PDE10A: variants seen among roughly 807,000 people sequenced by gnomAD.
PDE10A encodes cAMP and cAMP-inhibited cGMP 3',5'-cyclic phosphodiesterase 10A.
Under a neutral mutation model 97.7 loss-of-function variants are expected in PDE10A, and 39 were observed. The observed-to-expected ratio is 0.40, with a 90% CI of 0.31 to 0.52. The LOEUF (loss-of-function observed/expected upper bound fraction) is 0.52. Among genes scored for constraint, PDE10A ranks in the 20% least tolerant of loss-of-function variants. The probability of loss-of-function intolerance (pLI) is 0.56; values close to 1 mark genes in which losing one functional copy is unlikely to be tolerated. For synonymous variants in PDE10A, 371 were observed against 376.8 expected (o/e 0.98, Z 0.18); for missense variants, 731 against 1,047.8 (o/e 0.70, Z 4.17).
intron 1 of PDE10A, among the ~76,000 whole-genome samples, chr6:165,806,509 TTC>T (rs1364163994): frequency 2.6e-5 from 4 of 152,210 alleles, no homozygotes; most frequent in Non-Finnish European, 5.9e-5. Context: ...TCTCCACAGT[TTC>T]TGAGCCTCTG....
intron 1 of PDE10A, among the ~76,000 whole-genome samples, chr6:165,621,312 C>T (rs1788120989): frequency 6.7e-6 from 1 of 149,200 alleles, no homozygotes; most frequent in Non-Finnish European, 1.5e-5. Flanking sequence ...AAAAAAAAAA[C>T]TAAGCTTCGT....
At chr6:165,839,869 C>T (rs1380751489) in intron 1 of PDE10A, among the ~76,000 whole-genome samples, 12 of 4,178 alleles carry the variant, frequency 2.9e-3, no homozygotes, top group East Asian at 5.6e-3. Flanking sequence ...GTCTCCATTC[C>T]CATCTGCACC....
chr6:165,949,350 G>C (rs954218023), intron 1 of PDE10A: 2 of 152,268 alleles, frequency 1.3e-5, no homozygotes, highest in Non-Finnish European at 1.5e-5. Context: ...GCTGGAGGAG[G>C]TGCCCATGGC....
intron 1 of PDE10A, among the ~76,000 whole-genome samples, chr6:165,807,798 C>G (rs1264203912): frequency 6.6e-6 from 1 of 152,084 alleles, no homozygotes; most frequent in African/African-American, 2.4e-5. Context: ...AAGTCAGCAA[C>G]GATAACTTTT....
intron 2 of PDE10A, among the ~76,000 whole-genome samples, chr6:165,486,147 C>T (rs747433638): frequency 1.3e-5 from 2 of 152,116 alleles, no homozygotes; most frequent in Non-Finnish European, 2.9e-5. Flanking sequence ...TCCAGGTTGA[C>T]GAGTCTATCA....
rs1791993799 is a variant in PDE10A, at chr6:165,715,099, A to G, written c.-614-171531T>C. ...CAGCCTGCAGGGACGGCCGCCCGAGAACCCCCGAGGGACGCTGCAGTGCAG... is the reference window on the plus strand; with the variant it reads ...CAGCCTGCAGGGACGGCCGCCCGAGGACCCCCGAGGGACGCTGCAGTGCAG... On this transcript the variant is annotated intron_variant, in intron 1 of 19. Transcript: ENST00000366882. Among the ~76,000 whole-genome samples the G allele has an allele frequency of 7.2e-5, 11 of 152,340 alleles. No homozygotes were observed. The South Asian group carries it at 2.3e-3, about 32-fold the overall frequency.
chr6:165,556,397 GGCTTCTGCCTT>G (rs1230187835), intron 1 of PDE10A, among the ~76,000 whole-genome samples: 2 of 152,200 alleles, frequency 1.3e-5, no homozygotes, highest in Admixed American at 6.5e-5. Context: ...GGAAGTCCAA[GGCTTCTGCCTT>G]GAAGACAGCT....
intron 1 of PDE10A, among the ~76,000 whole-genome samples, chr6:165,607,151 G>A (rs1787248603): frequency 6.6e-6 from 1 of 152,098 alleles, no homozygotes; most frequent in Non-Finnish European, 1.5e-5. Context: ...CTGACTGCAG[G>A]ACCTGATGGT....
intron 1 of PDE10A, among the ~76,000 whole-genome samples, chr6:165,790,181 G>A (rs1327422395): frequency 2.0e-5 from 3 of 152,148 alleles, no homozygotes; most frequent in Non-Finnish European, 4.4e-5. Flanking sequence ...GGCTAAACAT[G>A]TCTTTCTTTA....
chr6:165,678,906 T>C (rs765211998), intron 1 of PDE10A, among the ~76,000 whole-genome samples: 73 of 152,240 alleles, frequency 4.8e-4, no homozygotes, highest in Non-Finnish European at 9.4e-4. Context: ...GGAAAGAGAC[T>C]AGAAACAGGC....
intron 1 of PDE10A, among the ~76,000 whole-genome samples, chr6:165,866,704 G>A: frequency 6.9e-6 from 1 of 145,192 alleles, no homozygotes. Context: ...TTTCATAAGA[G>A]AATATAAGAG....
chr6:165,412,405 G>C (rs927561483), intron 13 of PDE10A, among the ~76,000 whole-genome samples: 1 of 152,086 alleles, frequency 6.6e-6, no homozygotes, highest in East Asian at 1.9e-4. Flanking sequence ...GAATAAACTA[G>C]AAATTACAAT....
intron 2 of PDE10A, among the ~76,000 whole-genome samples, chr6:165,502,760 A>G (rs1780963263): frequency 6.6e-6 from 1 of 152,194 alleles, no homozygotes; most frequent in Non-Finnish European, 1.5e-5. Context: ...ATGACTTCAC[A>G]CTACATGAGT....
chr6:165,448,407 G>A (rs1244628659), intron 5 of PDE10A, among the ~76,000 whole-genome samples: 3 of 152,156 alleles, frequency 2.0e-5, no homozygotes, highest in Non-Finnish European at 2.9e-5. Flanking sequence ...GCAGAAGACT[G>A]GAACAGCCAC....
chr6:165,974,964 C>T (rs1004277371), intron 1 of PDE10A, among the ~76,000 whole-genome samples: 1 of 152,134 alleles, frequency 6.6e-6, no homozygotes, highest in Non-Finnish European at 1.5e-5. Flanking sequence ...CTGGGTTAAC[C>T]GGGACAAGGT....
At chr6:165,908,790 GGTGT>G (rs1298745532) in intron 1 of PDE10A, 5 of 152,308 alleles carry the variant, frequency 3.3e-5, no homozygotes, top group Non-Finnish European at 7.3e-5. Flanking sequence ...CTTGTCAAGC[GGTGT>G]GTTTTCCATG....
Position 165,893,767 on chromosome 6 carries a change from C to T in PDE10A, c.-615+93762G>A, listed in dbSNP as rs545373790. Among the ~76,000 whole-genome samples the T allele has an allele frequency of 2.0e-5, 3 of 151,334 alleles. No individual in the cohort carries two copies. The South Asian group carries it at 6.3e-4, about 32-fold the overall frequency. On this transcript the variant is annotated intron_variant, in intron 1 of 19. Coordinates refer to the PDE10A transcript ENST00000366882. ...AATAAAGGTTTTGAGTGGGATTGAACGGTCCAGGTATTTGATAGAACTTAA... is the reference window on the plus strand; with the variant it reads ...AATAAAGGTTTTGAGTGGGATTGAATGGTCCAGGTATTTGATAGAACTTAA...
chr6:165,577,754 G>A (rs1050592294), intron 1 of PDE10A, among the ~76,000 whole-genome samples: 3 of 152,148 alleles, frequency 2.0e-5, no homozygotes, highest in African/African-American at 7.2e-5. Flanking sequence ...GGCACATGAC[G>A]GGTGGGCACA....
rs921683696 is a variant in PDE10A at position 165,330,574 on chromosome 6, A to C, written c.*2451T>G. 6.6e-6 allele frequency: 1 copy of C among 152,202 alleles called. No individual in the cohort carries two copies. The highest frequency in any genetic ancestry group is 2.4e-5 in the African/African-American group (1 of 41,464). 9.4% of individuals were successfully genotyped at this position (152,202 alleles called of 1,614,324 possible). On this transcript the variant is annotated 3_prime_UTR_variant, in exon 22 of 22. Coordinates refer to ENST00000539869, the MANE Select transcript of PDE10A (RefSeq NM_001385079.1). ...TTCAAGCTGTGCTTCTATTATGACA[A>C]TATTTCACAAGAAATTAACCAACCA...
Sources: gnomAD v4.1 joint callset for allele counts (sites outside exome capture counted in the v4.1 genomes callset) on GRCh38, gnomAD v4.1.1 for gene constraint, MANE v1.5 for transcripts, NCBI Gene and HGNC (gene_info 2026-07-23, HGNC 2026-07-21) for gene names.